MARCHF1: variants seen among roughly 807,000 people sequenced by gnomAD.
The protein encoded by MARCHF1 is membrane associated ring-CH-type finger 1, also known as E3 ubiquitin-protein ligase MARCHF1.
Under a neutral mutation model 54.2 loss-of-function variants are expected in MARCHF1, and 40 were observed. That is an observed-to-expected ratio of 0.74 (90% CI 0.57 to 0.96). The LOEUF (loss-of-function observed/expected upper bound fraction) is 0.96, where lower values mean the gene tolerates loss of function less well. Ranked by LOEUF, MARCHF1 falls within the 40% of genes least tolerant of loss-of-function variation. The pLI is 0.00. For synonymous variants in MARCHF1, 236 were observed against 236.3 expected, an observed-to-expected ratio of 1.00 and a Z score of 0.01; for missense variants, 586 against 656.5, an observed-to-expected ratio of 0.89 and a Z score of 1.17.
chr4:164,286,279 C>G (rs1422203203), intron 1 of MARCHF1, among the ~76,000 whole-genome samples: 1 of 152,124 alleles, frequency 6.6e-6, no homozygotes, highest in African/African-American at 2.4e-5. Flanking sequence ...TTTTTAAAGT[C>G]AAATGTTTCC....
chr4:164,238,750 T>C (rs954194633), intron 1 of MARCHF1, among the ~76,000 whole-genome samples: 6 of 152,000 alleles, frequency 3.9e-5, no homozygotes, highest in Non-Finnish European at 7.4e-5. Context: ...AAAACCCTAA[T>C]TAACCAAACT....
intron 3 of MARCHF1, among the ~76,000 whole-genome samples, chr4:163,907,844 G>T (rs1047915999): frequency 6.6e-6 from 1 of 152,092 alleles, no homozygotes; most frequent in Non-Finnish European, 1.5e-5. Flanking sequence ...TGTGTGGAAA[G>T]TTCATGCAAG....
At chr4:163,815,418 C>A (rs181124516) in intron 4 of MARCHF1, among the ~76,000 whole-genome samples, 6 of 152,272 alleles carry the variant, frequency 3.9e-5, no homozygotes, top group Admixed American at 6.5e-5. Context: ...ATGAGTAATG[C>A]ACTGTACTGG....
At chr4:164,316,494 G>A (rs183303908) in intron 1 of MARCHF1, among the ~76,000 whole-genome samples, 161 of 151,912 alleles carry the variant, frequency 1.1e-3, no homozygotes, top group Non-Finnish European at 1.9e-3. Context: ...CCTATAAAAA[G>A]GATAAGAAAA....
chr4:164,306,001 T>C (rs1379326821), intron 1 of MARCHF1, among the ~76,000 whole-genome samples: 2 of 152,188 alleles, frequency 1.3e-5, no homozygotes, highest in African/African-American at 4.8e-5. Context: ...ACTTTTAAGA[T>C]GTTGTCACTG....
intron 1 of MARCHF1, among the ~76,000 whole-genome samples, chr4:164,339,984 T>C (rs925112442): frequency 1.3e-5 from 2 of 152,060 alleles, no homozygotes; most frequent in African/African-American, 2.4e-5. Context: ...TTCCTAGATA[T>C]ACACAATCTA....
chr4:163,806,301 A>G (rs74455150), intron 4 of MARCHF1, among the ~76,000 whole-genome samples: 1,816 of 152,288 alleles, frequency 0.012, 20 homozygotes, highest in African/African-American at 0.021. Flanking sequence ...GAGGAATGGG[A>G]GCATGATTAG....
At chr4:164,143,276 A>G (rs1233455997) in intron 1 of MARCHF1, among the ~76,000 whole-genome samples, 5 of 150,224 alleles carry the variant, frequency 3.3e-5, no homozygotes, top group Non-Finnish European at 7.4e-5. Flanking sequence ...GAACTTCCCC[A>G]ATCTAGCAAG....
At chr4:163,858,395 A>G (rs1361610653) in intron 3 of MARCHF1, among the ~76,000 whole-genome samples, 2 of 152,010 alleles carry the variant, frequency 1.3e-5, no homozygotes, top group Non-Finnish European at 2.9e-5. Flanking sequence ...TGCCCATTCC[A>G]TATCTTATCT....
intron 4 of MARCHF1, among the ~76,000 whole-genome samples, chr4:163,718,329 T>C (rs1330867766): frequency 6.6e-6 from 1 of 152,192 alleles, no homozygotes; most frequent in Non-Finnish European, 1.5e-5. Context: ...AAAGAGCTTC[T>C]GCACAGCAAA....
intron 1 of MARCHF1, among the ~76,000 whole-genome samples, chr4:164,343,699 T>A (rs756888561): frequency 3.3e-5 from 5 of 152,158 alleles, no homozygotes; most frequent in Non-Finnish European, 5.9e-5. Context: ...CCAGTCAGAA[T>A]GGCTATTATT....
intron 4 of MARCHF1, among the ~76,000 whole-genome samples, chr4:163,812,446 C>T (rs934369775): frequency 6.6e-6 from 1 of 151,996 alleles, no homozygotes; most frequent in African/African-American, 2.4e-5. Context: ...GGTATAAGTC[C>T]ACAGTGTCTG....
intron 1 of MARCHF1, among the ~76,000 whole-genome samples, chr4:164,270,526 C>A (rs754816919): frequency 5.9e-5 from 9 of 152,180 alleles, no homozygotes; most frequent in Non-Finnish European, 1.0e-4. Context: ...ATGTTACATA[C>A]TAGGTGTGCT....
chr4:163,930,360 A>G (rs1195938964), intron 3 of MARCHF1, among the ~76,000 whole-genome samples: 1 of 151,952 alleles, frequency 6.6e-6, no homozygotes, highest in Non-Finnish European at 1.5e-5. Context: ...TCAGAAATTG[A>G]ACAGAGGACC....
intron 3 of MARCHF1, among the ~76,000 whole-genome samples, chr4:163,935,207 T>A (rs1017536919): frequency 6.6e-6 from 1 of 152,146 alleles, no homozygotes; most frequent in African/African-American, 2.4e-5. Flanking sequence ...AAATGGTAAA[T>A]GAGCATTGGC....
intron 3 of MARCHF1, among the ~76,000 whole-genome samples, chr4:163,971,511 G>C (rs560812979): frequency 6.2e-4 from 95 of 152,268 alleles, no homozygotes; most frequent in Admixed American, 1.2e-3. Context: ...AGTTCTATTA[G>C]TGAAGGTTCT....
At chr4:164,106,208 C>T (rs1050910843) in intron 2 of MARCHF1, among the ~76,000 whole-genome samples, 4 of 139,240 alleles carry the variant, frequency 2.9e-5, no homozygotes, top group East Asian at 2.0e-4. Flanking sequence ...GTCAGTGTGG[C>T]GATTCCTCAG....
chr4:163,543,329 G>A (rs1430479355), intron 9 of MARCHF1, among the ~76,000 whole-genome samples: 3 of 151,908 alleles, frequency 2.0e-5, no homozygotes, highest in African/African-American at 4.8e-5. Flanking sequence ...AGAGGCATTC[G>A]AGACAGAGTG....
intron 7 of MARCHF1, among the ~76,000 whole-genome samples, chr4:163,590,083 C>G (rs1331941411): frequency 7.7e-6 from 1 of 129,564 alleles, no homozygotes; most frequent in African/African-American, 3.3e-5. Flanking sequence ...TGTGTGTGTG[C>G]TTCACATCTC....
Sources: allele counts gnomAD v4.1 joint callset (sites outside exome capture counted in the v4.1 genomes callset), GRCh38; gene constraint gnomAD v4.1.1; transcripts MANE v1.5; gene names NCBI Gene and HGNC (gene_info 2026-07-23, HGNC 2026-07-21).